The following RINT1 variants were observed in gnomAD, a reference collection of about 807,000 sequenced individuals.
RINT1 encodes the protein RAD50 interactor 1.
Under a neutral mutation model 97.7 loss-of-function variants are expected in RINT1, and 75 were observed. The observed-to-expected ratio is 0.77, with a 90% CI of 0.64 to 0.93. The LOEUF is 0.93. Among genes scored for constraint, RINT1 ranks in the 40% least tolerant of loss-of-function variants. The pLI is 0.00. For synonymous variants in RINT1, 303 were observed against 326.3 expected (o/e 0.93, Z 0.77); for missense variants, 892 against 925.2 (o/e 0.96, Z 0.47).
chr7:105,565,834 C>G (rs1791704427), intron 14 of RINT1, among the ~76,000 whole-genome samples, 186 bp downstream of exon 14: 1 of 152,144 alleles, frequency 6.6e-6, no homozygotes, highest in African/African-American at 2.4e-5. Flanking sequence ...GACCCATGAC[C>G]TCAAAAAGTT....
chr7:105,555,090 TTAG>T lies in RINT1; in HGVS notation c.1538_1540del (p.Val513del). 6.2e-7 allele frequency: 1 copy of T among 1,614,024 alleles called. No individual in the cohort carries two copies. Among genetic ancestry groups the T allele is most frequent in the Non-Finnish European group, 8.5e-7 (1 of 1,179,978 alleles). On this transcript the variant is annotated inframe_deletion, in exon 11 of 15. Transcript: ENST00000257700. ...TCAGTTCCTGGAGTTACAGAAGGAC[TTAG>T]TAGATGATTTTAGGATACGATTAAC...
At chr7:105,566,665 A>G (rs1234733222) in intron 14 of RINT1, 1 of 152,048 alleles carries the variant, frequency 6.6e-6, no homozygotes, top group Non-Finnish European at 1.5e-5. Context: ...AATTTAAATT[A>G]TGTTTGGGTT....
intron 6 of RINT1, 101 bp from the exon 7 acceptor site, chr7:105,548,453 T>C: frequency 9.8e-7 from 1 of 1,020,114 alleles, no homozygotes; most frequent in Non-Finnish European, 1.5e-6. Context: ...ACTGAGTATC[T>C]GATACATTTG....
chr7:105,564,139 G>C (rs1404343752), intron 12 of RINT1, among the ~76,000 whole-genome samples, 192 bp downstream of exon 12: 1 of 152,170 alleles, frequency 6.6e-6, no homozygotes, highest in Non-Finnish European at 1.5e-5. Flanking sequence ...CCAGGCTGGA[G>C]TGCAGTTGCA....
chr7:105,535,228 C>A (rs888290280), intron 2 of RINT1, among the ~76,000 whole-genome samples: 10 of 145,934 alleles, frequency 6.9e-5, no homozygotes, highest in Non-Finnish European at 1.3e-4. Context: ...AGCTTAAAAA[C>A]CTTTTTTTTT....
intron 3 of RINT1, among the ~76,000 whole-genome samples, chr7:105,539,231 G>A (rs1013814638): frequency 5.1e-4 from 77 of 152,044 alleles, no homozygotes; most frequent in African/African-American, 1.8e-3. Flanking sequence ...CTATTTGCCT[G>A]TCACCCAGAC....
At position 105,564,069 on chromosome 7, in the gene RINT1, GA is replaced by G. The variant is rs2133466247; in HGVS notation, c.1886+125del. Reference sequence around the variant, plus strand: ...GGCCTTATGTACTTTATTGTTGATGGAAATATTTCTAAAGTATGTTCTCTTG... The same window carrying G: ...GGCCTTATGTACTTTATTGTTGATGGAATATTTCTAAAGTATGTTCTCTTG... On this transcript the variant is annotated intron_variant, in intron 12 of 14. Transcript: ENST00000257700. 9 of 668,706 alleles carry G rather than the reference GA, an allele frequency of 1.3e-5. No individual in the cohort carries two copies. The South Asian group carries it at 1.7e-4, about 13-fold the overall frequency. The allele number at this position is 668,706 out of a possible 1,614,324, so 41.4% of individuals were successfully genotyped here. A position where few individuals can be genotyped will look rare whatever the true frequency, so the allele number is the denominator to read the frequency against.
intron 4 of RINT1, among the ~76,000 whole-genome samples, chr7:105,545,675 A>G (rs921621592): frequency 6.6e-6 from 1 of 151,696 alleles, no homozygotes; most frequent in Non-Finnish European, 1.5e-5. Context: ...ACAGGTGCCC[A>G]TGACCACGCC....
chr7:105,535,692 G>A (rs1790204254), intron 2 of RINT1: 1 of 389,146 alleles, frequency 2.6e-6, no homozygotes, highest in Admixed American at 3.1e-5. Context: ...GAGACTACAG[G>A]TGTGTTCCAC....
In RINT1 at chr7:105,554,441, C is replaced by CT. The variant is rs371511372; in HGVS notation, c.1472-574dup. Among the ~76,000 whole-genome samples the CT allele has an allele frequency of 2.1e-3, 297 of 140,922 alleles. 3 individuals carry two copies. The highest frequency in any genetic ancestry group is 8.3e-3 in the Admixed American group (118 of 14,154). The allele number at this position is 140,922 out of a possible 152,430, so 92.5% of individuals were successfully genotyped here. On this transcript the variant is annotated intron_variant, in intron 10 of 14. Transcript: ENST00000257700. ...AAGAAACTGTCATTTTTTTTTCTTTCTTTTTTTTTTTTTGTTAGATGGAGT... is the reference window on the plus strand; with the variant it reads ...AAGAAACTGTCATTTTTTTTTCTTTCTTTTTTTTTTTTTTGTTAGATGGAGT...
chr7:105,556,408 T>C (rs954552527), intron 11 of RINT1, among the ~76,000 whole-genome samples: 6 of 152,026 alleles, frequency 3.9e-5, no homozygotes, highest in African/African-American at 1.4e-4. Context: ...TTAAACCTCT[T>C]TTCTGCCCCC....
intron 6 of RINT1, 132 bp downstream of exon 6, chr7:105,547,465 A>G: frequency 1.2e-6 from 1 of 854,662 alleles, no homozygotes. Flanking sequence ...TGGTCTGTAA[A>G]TGTCCACTGA....
rs1289113738 is a variant in RINT1 at position 105,550,360 on chromosome 7, G to C, written c.1207G>C (p.Asp403His). 1.2e-6 allele frequency: 2 copies of C among 1,614,088 alleles called. No homozygotes were observed. Among genetic ancestry groups the C allele is most frequent in the Non-Finnish European group, 1.7e-6 (2 of 1,179,994 alleles). Reference sequence around the variant, plus strand: ...TGACAATCTCTTCTGTCATTTGGTGGATGAAGTACTCTTGTTTGAAAGGGA... The same window carrying C: ...TGACAATCTCTTCTGTCATTTGGTGCATGAAGTACTCTTGTTTGAAAGGGA... ...YDDNLFCHLV[D>H]EVLLFERELH... The change falls in exon 9 of 15, where the codon GAT becomes CAT. Residue 403 changes from aspartate (D) to histidine (H), a missense_variant. Physicochemically the swap from Asp to His is moderately conservative, Grantham distance 81 (BLOSUM62 -1). Coordinates refer to ENST00000257700, the MANE Select transcript of RINT1 (RefSeq NM_021930.6).
rs1299995929 is a variant in RINT1, at chr7:105,556,242, T to C, written c.1671+1015T>C. Reference sequence around the variant, plus strand: ...CCACCATGCCTGGCTAATTTTTTTTTTAGTAGTAGAGACGAGTTTTCACCT... The same window carrying C: ...CCACCATGCCTGGCTAATTTTTTTTCTAGTAGTAGAGACGAGTTTTCACCT... On this transcript the variant is annotated intron_variant, in intron 11 of 14. Transcript: ENST00000257700. Among the ~76,000 whole-genome samples, 3 of 151,858 alleles carry C rather than the reference T, an allele frequency of 2.0e-5. No individual in the cohort carries two copies. The East Asian group carries it at 5.8e-4, about 29-fold the overall frequency.
At chr7:105,542,702 T>C in intron 4 of RINT1, 53 bp downstream of exon 4, 1 of 1,571,856 alleles carries the variant, frequency 6.4e-7, no homozygotes. Flanking sequence ...GAGGCTTCTG[T>C]CTTAGAGAGT....
At chr7:105,549,659 T>G (rs1790844494) in intron 7 of RINT1, among the ~76,000 whole-genome samples, 1 of 152,220 alleles carries the variant, frequency 6.6e-6, no homozygotes, top group Admixed American at 6.5e-5. Flanking sequence ...AGCAATTTTT[T>G]TCTTGATTTA....
At chr7:105,548,200 G>T (rs931574544) in intron 6 of RINT1, among the ~76,000 whole-genome samples, 3 of 151,808 alleles carry the variant, frequency 2.0e-5, no homozygotes, top group African/African-American at 4.8e-5. Context: ...GCTAATTTTT[G>T]TTGTTTTTTG....
intron 11 of RINT1, among the ~76,000 whole-genome samples, chr7:105,560,465 G>A (rs531988856): frequency 1.8e-4 from 28 of 152,270 alleles, no homozygotes; most frequent in Middle Eastern, 6.8e-3. Context: ...GCGGGGGCAC[G>A]GGAGGAGAGA....
chr7:105,562,138 T>C (rs1404548602), intron 11 of RINT1, among the ~76,000 whole-genome samples: 1 of 152,220 alleles, frequency 6.6e-6, no homozygotes, highest in East Asian at 1.9e-4. Context: ...TCTTCTGCTT[T>C]TTCCGGTTAA....
Sources: allele counts gnomAD v4.1 joint callset (sites outside exome capture counted in the v4.1 genomes callset), GRCh38; gene constraint gnomAD v4.1.1; transcripts MANE v1.5; gene names NCBI Gene and HGNC (gene_info 2026-07-23, HGNC 2026-07-21).